Variants in WWP2 observed in about 807,000 individuals in gnomAD.
The protein encoded by WWP2 is NEDD4-like E3 ubiquitin-protein ligase WWP2.
Under a neutral mutation model 121.0 loss-of-function variants are expected in WWP2, and 57 were observed. The observed-to-expected ratio is 0.47, with a 90% CI of 0.38 to 0.59. The LOEUF is 0.59. WWP2 is among the 20% of genes least tolerant of loss of function. The pLI, the probability that WWP2 is intolerant of heterozygous loss-of-function variation, is 0.00. For missense variants in WWP2, 962 were observed against 1,158.9 expected, an observed-to-expected ratio of 0.83 and a Z score of 2.47; for synonymous variants, 449 against 441.3, an observed-to-expected ratio of 1.02 and a Z score of -0.22.
intron 1 of WWP2, among the ~76,000 whole-genome samples, chr16:69,780,641 G>A (rs1038511421): frequency 2.0e-5 from 3 of 152,192 alleles, no homozygotes; most frequent in African/African-American, 7.2e-5. Context: ...TTTCTAATCT[G>A]ATGAGTAGCA....
Position 69,939,069 on chromosome 16 carries a change from C to T in WWP2, c.2386C>T (p.Gln796Ter), listed in dbSNP as rs1360898968. The T allele has an allele frequency of 6.2e-7, 1 of 1,607,322 alleles. No homozygotes were observed. Among genetic ancestry groups the T allele is most frequent in the Non-Finnish European group, 8.5e-7 (1 of 1,176,634 alleles). The change falls in exon 22 of 24, where the codon CAG (glutamine) becomes TAG (stop). Residue 796 changes from glutamine to a stop codon, truncating the protein, a stop_gained. Transcript: ENST00000359154. LOFTEE classifies it high-confidence loss of function. The part of the protein sequence containing the change: ...MDNEKRIRLL[Q>*]FVTGTCRLPV... ...CAACGAGAAGAGGATCCGGCTGCTG[C>T]AGTTTGTCACCGGTACCTGCCGCCT...
intron 6 of WWP2, among the ~76,000 whole-genome samples, chr16:69,863,567 G>A (rs988659555): frequency 2.0e-5 from 3 of 152,084 alleles, no homozygotes; most frequent in Non-Finnish European, 2.9e-5. Flanking sequence ...TGAACCTGGT[G>A]GGGGCAGAGG....
intron 8 of WWP2, among the ~76,000 whole-genome samples, chr16:69,906,077 TC>T (rs1321901783): frequency 6.6e-6 from 1 of 151,640 alleles, no homozygotes; most frequent in Middle Eastern, 3.2e-3. Flanking sequence ...TTCTTTTCTT[TC>T]TTTTTTTTTT....
At chr16:69,832,338 T>C (rs1340047827) in intron 4 of WWP2, among the ~76,000 whole-genome samples, 1 of 47,690 alleles carries the variant, frequency 2.1e-5, no homozygotes, top group Non-Finnish European at 5.5e-5. Flanking sequence ...GCTGGATTAA[T>C]TTTATGAAAA....
chr16:69,770,454 CAGAG>C (rs1353371560), intron 1 of WWP2, among the ~76,000 whole-genome samples: 7 of 152,190 alleles, frequency 4.6e-5, no homozygotes, highest in Non-Finnish European at 8.8e-5. Context: ...ATGGCACCCT[CAGAG>C]AGGGCTTGGA....
chr16:69,887,998 ATT>A (rs1163372304), intron 7 of WWP2, 39 bp from the exon 8 acceptor site: 1 of 1,606,144 alleles, frequency 6.2e-7, no homozygotes, highest in Non-Finnish European at 8.5e-7. Flanking sequence ...TAAAATTCTC[ATT>A]CTTAGTTGAT....
intron 2 of WWP2, among the ~76,000 whole-genome samples, chr16:69,793,833 C>T (rs879061755): frequency 8.6e-5 from 13 of 151,888 alleles, no homozygotes; most frequent in Non-Finnish European, 1.5e-4. Flanking sequence ...TCAAGCCCCT[C>T]CCATAATCCT....
intron 8 of WWP2, among the ~76,000 whole-genome samples, chr16:69,905,129 G>A (rs1300126473): frequency 6.6e-6 from 1 of 152,218 alleles, no homozygotes; most frequent in East Asian, 1.9e-4. Context: ...AGCCTCTAAA[G>A]ACTTGCCGCT....
In WWP2 at chr16:69,937,348, G is replaced by A. The variant is rs765555175; in HGVS notation, c.2238+110G>A. 6.1e-4 allele frequency: 937 copies of A among 1,528,696 alleles called. No homozygotes were observed. Among genetic ancestry groups the A allele is most frequent in the Non-Finnish European group, 7.0e-4 (791 of 1,136,034 alleles). The allele number at this position is 1,528,696 out of a possible 1,614,324, so 94.7% of individuals were successfully genotyped here. On this transcript the variant is annotated intron_variant, in intron 20 of 23. Coordinates refer to ENST00000359154, the MANE Select transcript of WWP2 (RefSeq NM_001270454.2). This position sits in a 1 kb window ranked among gnomAD's most constrained non-coding sequence, Gnocchi z 6.6. The stretch of plus-strand genomic sequence containing the variant: ...CACTCAGCGTAAAACTCCCACTTCG[G>A]CAGGGCAGATGGGTTTGATTTGGGA...
intron 7 of WWP2, among the ~76,000 whole-genome samples, chr16:69,873,011 G>T (rs1340764435): frequency 6.6e-6 from 1 of 152,208 alleles, no homozygotes; most frequent in Non-Finnish European, 1.5e-5. Flanking sequence ...CGGGCAGTTG[G>T]GCTGGGATGT....
intron 1 of WWP2, among the ~76,000 whole-genome samples, chr16:69,783,475 G>T (rs979207180): frequency 2.6e-5 from 4 of 152,028 alleles, no homozygotes; most frequent in Non-Finnish European, 5.9e-5. Flanking sequence ...GTTCGAGGCT[G>T]CCGTGAGCCA....
intron 6 of WWP2, among the ~76,000 whole-genome samples, chr16:69,848,581 G>GAGCC: frequency 6.8e-6 from 1 of 146,054 alleles, no homozygotes; most frequent in East Asian, 2.1e-4. Flanking sequence ...AGGCTATAGT[G>GAGCC]AGCCAAGATG....
intron 7 of WWP2, among the ~76,000 whole-genome samples, chr16:69,887,792 G>C (rs761460019): frequency 2.0e-5 from 3 of 152,134 alleles, no homozygotes; most frequent in Non-Finnish European, 4.4e-5. Flanking sequence ...AGAAAAACTT[G>C]ATAAAGTTAT....
chr16:69,871,622 G>C (rs2098018465), intron 6 of WWP2, 182 bp from the exon 7 acceptor site: 2 of 792,302 alleles, frequency 2.5e-6, no homozygotes, highest in Admixed American at 3.5e-5. Context: ...TTACCAAAAA[G>C]GAAACTTCCC....
At chr16:69,871,519 A>T (rs992141408) in intron 6 of WWP2, among the ~76,000 whole-genome samples, 2 of 152,194 alleles carry the variant, frequency 1.3e-5, no homozygotes. Context: ...TGGTCACAGG[A>T]TATTTTGCCA....
chr16:69,807,667 G>C (rs548510298), intron 4 of WWP2, among the ~76,000 whole-genome samples: 40 of 148,272 alleles, frequency 2.7e-4, no homozygotes, highest in Non-Finnish European at 4.9e-4. Context: ...GAAAATGAAA[G>C]GGCAGCCAGG....
At chr16:69,915,238 G>A (rs1245322503) in intron 9 of WWP2, among the ~76,000 whole-genome samples, 1 of 152,224 alleles carries the variant, frequency 6.6e-6, no homozygotes, top group Non-Finnish European at 1.5e-5. Flanking sequence ...TTACAAGTAA[G>A]GAAATGTACT....
chr16:69,933,976 G>T lies in WWP2; in HGVS notation c.1689G>T (p.Trp563Cys). The change falls in exon 17 of 24, where the codon TGG becomes TGT. Residue 563 changes from tryptophan to cysteine, a missense_variant. Around this residue, in one of 3 missense-constraint regions of WWP2, gnomAD observed 606 missense variants for 772.6 expected, o/e 0.78. Transcript: ENST00000359154. ...TCTGTCTCTTCCCTCACAGAGAGTG[G>T]TTTTTCCTCCTGTCTCATGAGGTGC... ...GLDYGGIAREWFFLLSHEVLN... is the reference protein window; with the variant it reads ...GLDYGGIARECFFLLSHEVLN... 6.2e-7 allele frequency: 1 copy of T among 1,613,618 alleles called. No individual in the cohort carries two copies. The highest frequency in any genetic ancestry group is 8.5e-7 in the Non-Finnish European group (1 of 1,179,638).
intron 16 of WWP2, 145 bp from the exon 17 acceptor site, chr16:69,933,825 G>A: frequency 1.1e-6 from 1 of 878,724 alleles, no homozygotes; most frequent in South Asian, 1.6e-5. Context: ...ATATAGGTTA[G>A]CCCGGGTGCT....
Sources: gnomAD v4.1 joint callset for allele counts (sites outside exome capture counted in the v4.1 genomes callset) on GRCh38, gnomAD v4.1.1 for gene constraint, gnomAD v4.1.1 regional missense constraint, Gnocchi (gnomAD v3.1) non-coding constraint, MANE v1.5 for transcripts, NCBI Gene and HGNC (gene_info 2026-07-23, HGNC 2026-07-21) for gene names.